Variants in CEP83 observed in about 807,000 individuals in gnomAD.
CEP83 encodes centrosomal protein of 83 kDa.
In CEP83, 70 loss-of-function variants were observed where a neutral mutation model predicts 101.9. The observed-to-expected ratio is 0.69, with a 90% confidence interval of 0.57 to 0.84. The LOEUF (loss-of-function observed/expected upper bound fraction) is 0.84. Among genes scored for constraint, CEP83 ranks in the 40% least tolerant of loss-of-function variants. The pLI is 0.00. For missense variants in CEP83, 715 were observed against 787.2 expected, an observed-to-expected ratio of 0.91 and a Z score of 1.10; for synonymous variants, 264 against 267.9, an observed-to-expected ratio of 0.99 and a Z score of 0.14.
intron 14 of CEP83, among the ~76,000 whole-genome samples, chr12:94,313,367 A>G (rs1009110356): frequency 1.3e-5 from 2 of 152,050 alleles, no homozygotes; most frequent in Non-Finnish European, 2.9e-5. Flanking sequence ...TCCAGAAGAT[A>G]GCATGTGTTT....
At chr12:94,379,110 C>A in intron 6 of CEP83, 68 bp from the exon 7 acceptor site, 1 of 1,314,180 alleles carries the variant, frequency 7.6e-7, no homozygotes, top group East Asian at 2.4e-5. Flanking sequence ...ACATGCTTTA[C>A]AAGTCAGTAA....
At chr12:94,400,581 A>T (rs891752336) in intron 6 of CEP83, among the ~76,000 whole-genome samples, 5 of 152,168 alleles carry the variant, frequency 3.3e-5, no homozygotes, top group Non-Finnish European at 5.9e-5. Flanking sequence ...ATAAGACAAA[A>T]GACTTTGTAC....
intron 11 of CEP83, among the ~76,000 whole-genome samples, chr12:94,359,933 TGATCAAGTTA>T (rs1223855469): frequency 1.3e-5 from 2 of 152,148 alleles, no homozygotes; most frequent in African/African-American, 2.4e-5. Flanking sequence ...TTATTCACCA[TGATCAAGTTA>T]GATTTATCAC....
chr12:94,334,092 G>A lies in CEP83; in HGVS notation c.1420-453C>T, dbSNP rs138092126. Among the ~76,000 whole-genome samples, 116 of 152,196 alleles carry A rather than the reference G, an allele frequency of 7.6e-4. 1 individual carries two copies. Among genetic ancestry groups the A allele is most frequent in the African/African-American group, 2.7e-3 (111 of 41,542 alleles). On this transcript the variant is annotated intron_variant, in intron 12 of 16. Transcript: ENST00000397809. ...ATCCTCCTCTTCCCACATACCCTGA[G>A]ATCAGCAACCTTCCAGAAGTTCTAC...
intron 11 of CEP83, among the ~76,000 whole-genome samples, chr12:94,345,971 T>C (rs1191675024): frequency 6.6e-6 from 1 of 152,168 alleles, no homozygotes; most frequent in Non-Finnish European, 1.5e-5. Flanking sequence ...ACCCATGTGC[T>C]AGGAGAATGG....
chr12:94,404,278 G>C (rs2063416316), intron 4 of CEP83, among the ~76,000 whole-genome samples: 1 of 152,042 alleles, frequency 6.6e-6, no homozygotes. Flanking sequence ...TACCAGACAG[G>C]TAAAAAAGAG....
rs181632278 is a variant in CEP83 at position 94,431,678 on chromosome 12, A to G, written c.-102+3597T>C. Among the ~76,000 whole-genome samples the G allele has an allele frequency of 2.8e-3, 427 of 152,282 alleles. 1 individual carries two copies. The highest frequency in any genetic ancestry group is 0.016 in the Admixed American group (242 of 15,294). On this transcript the variant is annotated intron_variant, in intron 2 of 16. Coordinates refer to ENST00000397809, the MANE Select transcript of CEP83 (RefSeq NM_016122.3). ...ATACATACAAACGACCAATGGGTAT[A>G]TGAAAAAATTCTCAACATCATTAAT...
At chr12:94,383,444 T>C (rs1291259654) in intron 6 of CEP83, among the ~76,000 whole-genome samples, 1 of 152,070 alleles carries the variant, frequency 6.6e-6, no homozygotes, top group African/African-American at 2.4e-5. Flanking sequence ...TGACATGCAT[T>C]CAGTAGAAAC....
the CEP83 span, among the ~76,000 whole-genome samples, chr12:94,291,457 C>T: frequency 6.6e-6 from 1 of 152,114 alleles, no homozygotes; most frequent in South Asian, 2.1e-4. Context: ...TCTTGAACTC[C>T]TAGGATCAAG....
In CEP83 at chr12:94,357,647, G is replaced by A. The variant is rs529413899; in HGVS notation, c.1343+10147C>T. 2.0e-5 allele frequency among the ~76,000 whole-genome samples: 3 copies of A among 152,322 alleles called. No individual in the cohort carries two copies. The East Asian group carries it at 5.8e-4, about 29-fold the overall frequency. On this transcript the variant is annotated intron_variant, in intron 11 of 16. Transcript: ENST00000397809. ...GATTTATGCTGCACAAAAGCTGTGA[G>A]CCTTCTGCCTGGGGAACCCCTGCAA...
rs1970097230 is a variant in CEP83 at position 94,312,945 on chromosome 12, C to T, written c.1780G>A (p.Glu594Lys). The T allele has an allele frequency of 6.3e-7, 1 of 1,588,856 alleles. No homozygotes were observed. The highest frequency in any genetic ancestry group is 8.6e-7 in the Non-Finnish European group (1 of 1,161,364). The change falls in exon 15 of 17, where the codon GAA becomes AAA. Residue 594 changes from glutamate to lysine, a missense_variant. Coordinates refer to ENST00000397809, the MANE Select transcript of CEP83 (RefSeq NM_016122.3). ...AAGACCTGATTTTCTGTTTCCAATTCTTCTTTCTTTGCCTCCAAGACTTCT... is the reference window on the plus strand; with the variant it reads ...AAGACCTGATTTTCTGTTTCCAATTTTTCTTTCTTTGCCTCCAAGACTTCT... ...KVEVLEAKKEELETENQVLNR... is the reference protein window; with the variant it reads ...KVEVLEAKKEKLETENQVLNR...
In CEP83 at chr12:94,310,110, TAAAAAG is replaced by T. The variant is rs1055204465; in HGVS notation, c.1812-9_1812-4del. ...AGTCTTCAAAAGGAACATTTTGTCT[TAAAAAG>T]AAAAAGAAATGTTTCTTTAACATGG... On this transcript the variant is annotated splice_polypyrimidine_tract_variant and splice_region_variant and intron_variant, in intron 15 of 16. Coordinates refer to ENST00000397809, the MANE Select transcript of CEP83 (RefSeq NM_016122.3). 4 of 1,490,002 alleles carry T rather than the reference TAAAAAG, an allele frequency of 2.7e-6. No individual in the cohort carries two copies. The highest frequency in any genetic ancestry group is 2.0e-4 in the Middle Eastern group (1 of 4,918). The allele number at this position is 1,490,002 out of a possible 1,614,324, so 92.3% of individuals were successfully genotyped here.
the CEP83 span, among the ~76,000 whole-genome samples, chr12:94,295,575 C>T: frequency 7.9e-5 from 12 of 152,238 alleles, no homozygotes; most frequent in East Asian, 2.1e-3. Flanking sequence ...AACTGAGAGC[C>T]ACCGTCTTAC....
chr12:94,286,705 A>G, the CEP83 span, among the ~76,000 whole-genome samples: 1 of 151,536 alleles, frequency 6.6e-6, no homozygotes, highest in African/African-American at 2.4e-5. Flanking sequence ...CCCTCCAATT[A>G]GTCCACATTA....
chr12:94,446,931 T>A (rs1342117446), intron 1 of CEP83, among the ~76,000 whole-genome samples: 1 of 151,778 alleles, frequency 6.6e-6, no homozygotes, highest in Non-Finnish European at 1.5e-5. Flanking sequence ...AAAGAGGAAA[T>A]CTTTAAAAAG....
chr12:94,294,829 C>G, the CEP83 span, among the ~76,000 whole-genome samples: 2 of 152,070 alleles, frequency 1.3e-5, no homozygotes, highest in Non-Finnish European at 2.9e-5. Context: ...TTTTTTCAAC[C>G]CTTTAGAAGG....
At position 94,340,716 on chromosome 12, in the gene CEP83, C is replaced by T. The variant is rs1346717226; in HGVS notation, c.1344-5052G>A. ...CCTCCCAAAGTGCTGGGATCACAGGCGTGAGCCACCACGCCCAGCCTCGAC... is the reference window on the plus strand; with the variant it reads ...CCTCCCAAAGTGCTGGGATCACAGGTGTGAGCCACCACGCCCAGCCTCGAC... On this transcript the variant is annotated intron_variant, in intron 11 of 16. Coordinates refer to ENST00000397809, the MANE Select transcript of CEP83 (RefSeq NM_016122.3). Among the ~76,000 whole-genome samples the T allele has an allele frequency of 4.6e-5, 7 of 152,288 alleles. No homozygotes were observed. The South Asian group carries it at 1.2e-3, about 27-fold the overall frequency.
intron 1 of CEP83, among the ~76,000 whole-genome samples, chr12:94,456,827 A>G (rs967492732): frequency 2.0e-5 from 3 of 152,212 alleles, no homozygotes; most frequent in African/African-American, 7.2e-5. Context: ...TTTAAGAAAC[A>G]TTTATTCAGC....
intron 4 of CEP83, among the ~76,000 whole-genome samples, chr12:94,407,470 A>G (rs1170373602): frequency 1.3e-5 from 2 of 152,200 alleles, no homozygotes; most frequent in Non-Finnish European, 2.9e-5. Context: ...TTCTAGCATT[A>G]TATGTTCAAT....
Sources: gnomAD v4.1 joint callset for allele counts (sites outside exome capture counted in the v4.1 genomes callset) on GRCh38, gnomAD v4.1.1 for gene constraint, MANE v1.5 for transcripts, NCBI Gene and HGNC (gene_info 2026-07-23, HGNC 2026-07-21) for gene names.